Variants in DIP2B observed in about 807,000 individuals in gnomAD.
DIP2B encodes the protein DIP2 acetate--CoA ligase B (putative), also known as disco-interacting protein 2 homolog B.
DIP2B carries 76 observed loss-of-function variants against 198.0 expected under a neutral mutation model. That is an observed-to-expected ratio of 0.38 (90% CI 0.32 to 0.46). DIP2B has a LOEUF of 0.46. Ranked by LOEUF, DIP2B falls within the 20% of genes least tolerant of loss-of-function variation. The pLI, the probability that DIP2B is intolerant of heterozygous loss-of-function variation, is 0.99. For synonymous variants in DIP2B, 701 were observed against 739.1 expected (o/e 0.95, Z 0.84); for missense variants, 1,559 against 1,978.4 (o/e 0.79, Z 4.02).
At chr12:50,618,371 C>T (rs1054739422) in intron 1 of DIP2B, among the ~76,000 whole-genome samples, 1 of 152,184 alleles carries the variant, frequency 6.6e-6, no homozygotes, top group Non-Finnish European at 1.5e-5. Flanking sequence ...GCAGGGCCAT[C>T]TCTGTTCATC....
chr12:50,623,462 C>T (rs1213536053), intron 1 of DIP2B, among the ~76,000 whole-genome samples: 2 of 146,738 alleles, frequency 1.4e-5, no homozygotes, highest in Non-Finnish European at 3.0e-5. Context: ...CTCTCTCTCT[C>T]TCTCTCTCAC....
At chr12:50,612,009 GAA>G (rs943437650) in intron 1 of DIP2B, among the ~76,000 whole-genome samples, 2 of 122,490 alleles carry the variant, frequency 1.6e-5, no homozygotes. Context: ...CTCTAAAAAA[GAA>G]AAAAAAAAAA....
chr12:50,739,591 T>A lies in DIP2B; in HGVS notation c.4354+5T>A. The stretch of plus-strand genomic sequence containing the variant: ...AGCTCACAGCGGCCACTGGAGGTAC[T>A]TCTGCAACAACTCCCCATTGACCCT... On this transcript the variant is annotated splice_donor_5th_base_variant and intron_variant, in intron 36 of 37. Coordinates refer to ENST00000301180, the MANE Select transcript of DIP2B (RefSeq NM_173602.3). 6.2e-7 allele frequency: 1 copy of A among 1,612,738 alleles called. No homozygotes were observed.
intron 37 of DIP2B, among the ~76,000 whole-genome samples, chr12:50,744,062 C>T (rs1940303416): frequency 6.6e-6 from 1 of 152,126 alleles, no homozygotes; most frequent in Non-Finnish European, 1.5e-5. Context: ...AGTGTAGTGG[C>T]GCAAACTTGG....
At chr12:50,546,265 G>T (rs866746604) in intron 1 of DIP2B, among the ~76,000 whole-genome samples, 2 of 152,176 alleles carry the variant, frequency 1.3e-5, no homozygotes, top group African/African-American at 4.8e-5. Context: ...TTTACTTCAG[G>T]TACAGCATAT....
At chr12:50,642,782 CTG>C (rs576063326) in intron 3 of DIP2B, among the ~76,000 whole-genome samples, 87 of 152,162 alleles carry the variant, frequency 5.7e-4, no homozygotes, top group African/African-American at 2.0e-3. Flanking sequence ...GAGCGAGACT[CTG>C]TCTCAAAAAA....
intron 12 of DIP2B, 151 bp downstream of exon 12, chr12:50,686,833 G>T: frequency 1.6e-6 from 1 of 636,238 alleles, no homozygotes; most frequent in South Asian, 2.2e-5. Flanking sequence ...AAAATGCCTT[G>T]TAGTGGATCT....
At chr12:50,544,343 G>A (rs1040563994) in intron 1 of DIP2B, among the ~76,000 whole-genome samples, 5 of 152,054 alleles carry the variant, frequency 3.3e-5, no homozygotes, top group Non-Finnish European at 5.9e-5. Flanking sequence ...CAGATATTCC[G>A]TCACTAGGGC....
chr12:50,518,195 A>G (rs1958082953), intron 1 of DIP2B, among the ~76,000 whole-genome samples: 1 of 150,926 alleles, frequency 6.6e-6, no homozygotes, highest in Admixed American at 6.7e-5. Flanking sequence ...AGTCATGCTG[A>G]ATTGGGTTCA....
At chr12:50,518,668 G>T (rs1958087910) in intron 1 of DIP2B, among the ~76,000 whole-genome samples, 1 of 152,184 alleles carries the variant, frequency 6.6e-6, no homozygotes, top group Admixed American at 6.5e-5. Flanking sequence ...CCTGAATCTT[G>T]TTTCAAGTAG....
chr12:50,628,736 T>C (rs1326097253), intron 2 of DIP2B, among the ~76,000 whole-genome samples: 2 of 152,232 alleles, frequency 1.3e-5, no homozygotes, highest in Non-Finnish European at 2.9e-5. Context: ...GAACTGTCTA[T>C]ACTTAAACAC....
intron 30 of DIP2B, 102 bp from the exon 31 acceptor site, chr12:50,731,267 T>C: frequency 7.1e-7 from 1 of 1,402,828 alleles, no homozygotes; most frequent in East Asian, 2.3e-5. Context: ...GTCCCTACAC[T>C]GTCCTTTACA....
Position 50,746,469 on chromosome 12 carries a change from G to GC in DIP2B, c.*1631dup, listed in dbSNP as rs1346858090. ...TTATAATGCAAAGACCAGCTCCTTT[G>GC]CGGTGGCAGTGCTCTAGGGCTGCCA... On this transcript the variant is annotated 3_prime_UTR_variant, in exon 38 of 38. Transcript: ENST00000301180. 2.0e-5 allele frequency: 3 copies of GC among 152,110 alleles called. No homozygotes were observed. The highest frequency in any genetic ancestry group is 1.5e-5 in the Non-Finnish European group (1 of 68,028). 9.4% of individuals were successfully genotyped at this position (152,110 alleles called of 1,614,324 possible). A position where few individuals can be genotyped will look rare whatever the true frequency, so the allele number is the denominator to read the frequency against.
At chr12:50,704,092 T>C (rs1939470923) in intron 19 of DIP2B, 48 bp from the exon 20 acceptor site, 2 of 1,563,516 alleles carry the variant, frequency 1.3e-6, no homozygotes, top group Non-Finnish European at 1.7e-6. Context: ...TCACATATAC[T>C]TTCTAAGAAA....
chr12:50,656,800 G>A (rs142879411), intron 3 of DIP2B, among the ~76,000 whole-genome samples: 7 of 152,228 alleles, frequency 4.6e-5, no homozygotes, highest in Non-Finnish European at 1.0e-4. Context: ...TCGAACTCCT[G>A]ACCTCAGGTG....
At chr12:50,689,473 G>A (rs531337907) in intron 12 of DIP2B, among the ~76,000 whole-genome samples, 1 of 152,326 alleles carries the variant, frequency 6.6e-6, no homozygotes, top group African/African-American at 2.4e-5. Context: ...AGACAGTAAG[G>A]AAATAGAGCA....
At chr12:50,528,436 A>G (rs555825453) in intron 1 of DIP2B, among the ~76,000 whole-genome samples, 1 of 142,350 alleles carries the variant, frequency 7.0e-6, no homozygotes, top group African/African-American at 2.6e-5. Flanking sequence ...CCTGCTTTCC[A>G]AAAAAAAAAA....
chr12:50,682,896 G>A (rs1323382747), intron 9 of DIP2B, among the ~76,000 whole-genome samples: 1 of 152,190 alleles, frequency 6.6e-6, no homozygotes, highest in Admixed American at 6.5e-5. Context: ...GTGAAAAATT[G>A]TGATGAGGAC....
intron 3 of DIP2B, among the ~76,000 whole-genome samples, chr12:50,648,123 A>G (rs537839239): frequency 2.6e-5 from 4 of 152,202 alleles, no homozygotes; most frequent in African/African-American, 9.6e-5. Context: ...CAAAAAAACA[A>G]ACAAACAAAC....
Sources: gnomAD v4.1 joint callset for allele counts (sites outside exome capture counted in the v4.1 genomes callset) on GRCh38, gnomAD v4.1.1 for gene constraint, MANE v1.5 for transcripts, NCBI Gene and HGNC (gene_info 2026-07-23, HGNC 2026-07-21) for gene names.